The following SPAG16 variants were observed in gnomAD, a reference collection of about 807,000 sequenced individuals.
The protein encoded by SPAG16 is sperm associated antigen 16.
Under a neutral mutation model 80.4 loss-of-function variants are expected in SPAG16, and 86 were observed. The observed-to-expected ratio is 1.07, with a 90% confidence interval of 0.90 to 1.28. The LOEUF (loss-of-function observed/expected upper bound fraction) is 1.28, where lower values mean the gene tolerates loss of function less well. Ranked by LOEUF, SPAG16 falls within the 50% of genes most tolerant of loss-of-function variation. SPAG16 has a pLI of 0.00. For synonymous variants in SPAG16, 294 were observed against 265.9 expected, an observed-to-expected ratio of 1.11 and a Z score of -1.03; for missense variants, 870 against 765.3, an observed-to-expected ratio of 1.14 and a Z score of -1.61.
intron 15 of SPAG16, among the ~76,000 whole-genome samples, chr2:214,265,835 C>T (rs557816385): frequency 1.4e-4 from 21 of 151,956 alleles, no homozygotes; most frequent in Admixed American, 1.4e-3. Flanking sequence ...ATGTTAAGTT[C>T]TCAAAGGGGC....
At chr2:214,228,494 T>G (rs916800406) in intron 15 of SPAG16, among the ~76,000 whole-genome samples, 3 of 151,912 alleles carry the variant, frequency 2.0e-5, no homozygotes, top group African/African-American at 7.2e-5. Flanking sequence ...CAAATTATTT[T>G]CATATCTTTG....
chr2:213,557,593 G>A (rs2059466792), intron 10 of SPAG16, among the ~76,000 whole-genome samples: 1 of 151,960 alleles, frequency 6.6e-6, no homozygotes, highest in South Asian at 2.1e-4. Context: ...AAAATAAAAA[G>A]CAGTAGTTTA....
chr2:214,179,888 T>C (rs1331873502), intron 15 of SPAG16, among the ~76,000 whole-genome samples: 1 of 151,564 alleles, frequency 6.6e-6, no homozygotes, highest in East Asian at 1.9e-4. Context: ...TAACAGTTTA[T>C]ATGTAATATT....
intron 15 of SPAG16, among the ~76,000 whole-genome samples, chr2:214,358,166 C>T (rs1196206987): frequency 6.6e-6 from 1 of 151,748 alleles, no homozygotes; most frequent in African/African-American, 2.4e-5. Context: ...AAAAGCATTC[C>T]CTGGAGGTGT....
intron 11 of SPAG16, among the ~76,000 whole-genome samples, chr2:213,879,673 C>T (rs2076273206): frequency 6.6e-6 from 1 of 151,970 alleles, no homozygotes; most frequent in African/African-American, 2.4e-5. Context: ...TCTATTGTTC[C>T]CATTTTTATA....
intron 13 of SPAG16, among the ~76,000 whole-genome samples, chr2:214,021,437 G>A (rs572816841): frequency 3.9e-5 from 6 of 152,176 alleles, no homozygotes; most frequent in Non-Finnish European, 5.9e-5. Context: ...AGAAAGAGAC[G>A]CTTGTGCAGG....
chr2:214,394,543 T>C (rs1188814086), intron 15 of SPAG16, among the ~76,000 whole-genome samples: 1 of 152,224 alleles, frequency 6.6e-6, no homozygotes, highest in Non-Finnish European at 1.5e-5. Context: ...AAATTAGCTA[T>C]TAAACTCATA....
chr2:213,521,227 G>T (rs1288169056), intron 10 of SPAG16, among the ~76,000 whole-genome samples: 1 of 152,108 alleles, frequency 6.6e-6, no homozygotes, highest in Admixed American at 6.5e-5. Flanking sequence ...TCTTTTACAC[G>T]ATCATGGAAG....
intron 10 of SPAG16, among the ~76,000 whole-genome samples, chr2:213,637,537 C>G (rs990636624): frequency 6.6e-6 from 1 of 152,060 alleles, no homozygotes; most frequent in Non-Finnish European, 1.5e-5. Flanking sequence ...CTTTGAATGT[C>G]GGATAGAATT....
chr2:213,440,467 A>C (rs2070876219), intron 9 of SPAG16, among the ~76,000 whole-genome samples: 1 of 152,172 alleles, frequency 6.6e-6, no homozygotes, highest in Non-Finnish European at 1.5e-5. Flanking sequence ...AGGCAGGAGA[A>C]TGGTGTGAAC....
intron 10 of SPAG16, among the ~76,000 whole-genome samples, chr2:213,612,577 A>C (rs1273529248): frequency 6.6e-6 from 1 of 152,240 alleles, no homozygotes; most frequent in Non-Finnish European, 1.5e-5. Context: ...AACTTGGTTC[A>C]AAAATCATAA....
chr2:213,961,883 A>G (rs572947052), intron 12 of SPAG16, among the ~76,000 whole-genome samples: 6 of 152,142 alleles, frequency 3.9e-5, no homozygotes, highest in African/African-American at 1.4e-4. Flanking sequence ...TATAAGTGTA[A>G]TATCAACCTC....
chr2:214,029,823 G>C (rs1168074459), intron 13 of SPAG16, among the ~76,000 whole-genome samples: 5 of 152,086 alleles, frequency 3.3e-5, no homozygotes, highest in Non-Finnish European at 7.4e-5. Flanking sequence ...CTGTATGGAG[G>C]TGTAATTGAT....
chr2:213,778,616 C>T (rs1256807455), intron 10 of SPAG16, among the ~76,000 whole-genome samples: 1 of 152,148 alleles, frequency 6.6e-6, no homozygotes, highest in African/African-American at 2.4e-5. Context: ...TACCAACTCT[C>T]ATACTCTTAG....
intron 12 of SPAG16, among the ~76,000 whole-genome samples, chr2:214,001,296 G>A (rs1432987736): frequency 6.6e-6 from 1 of 152,020 alleles, no homozygotes; most frequent in Admixed American, 6.6e-5. Flanking sequence ...CAATTCTGTT[G>A]ACCTTTTCTA....
At chr2:214,132,582 GA>G (rs1187668291) in intron 14 of SPAG16, among the ~76,000 whole-genome samples, 1 of 152,184 alleles carries the variant, frequency 6.6e-6, no homozygotes, top group Non-Finnish European at 1.5e-5. Context: ...GAGGACTTTA[GA>G]AGAAGTTGTG....
At chr2:213,585,971 C>A (rs2060458422) in intron 10 of SPAG16, among the ~76,000 whole-genome samples, 1 of 152,122 alleles carries the variant, frequency 6.6e-6, no homozygotes, top group Non-Finnish European at 1.5e-5. Context: ...TTAATCTAAT[C>A]ATCTCCATAA....
At chr2:213,925,027 C>A (rs2078403461) in intron 11 of SPAG16, among the ~76,000 whole-genome samples, 1 of 151,996 alleles carries the variant, frequency 6.6e-6, no homozygotes, top group Non-Finnish European at 1.5e-5. Flanking sequence ...TTATAGTGCT[C>A]ACTCTTAACA....
intron 9 of SPAG16, among the ~76,000 whole-genome samples, chr2:213,472,063 G>A (rs1388574043): frequency 1.3e-5 from 2 of 152,202 alleles, no homozygotes; most frequent in Non-Finnish European, 2.9e-5. Context: ...GATTTCATCA[G>A]TATAAGACAT....
Sources: allele counts gnomAD v4.1 joint callset (sites outside exome capture counted in the v4.1 genomes callset), GRCh38; gene constraint gnomAD v4.1.1; transcripts MANE v1.5; gene names NCBI Gene and HGNC (gene_info 2026-07-23, HGNC 2026-07-21).